Variants in KCNG2 observed in about 807,000 individuals in gnomAD.
The protein encoded by KCNG2 is voltage-gated potassium channel regulatory subunit KCNG2.
KCNG2 carries 7 observed loss-of-function variants against 12.3 expected under a neutral mutation model. The ratio of observed to expected loss-of-function variants is 0.57; its 90% CI spans 0.32 to 1.07. The LOEUF (loss-of-function observed/expected upper bound fraction) is 1.07, where lower values mean the gene tolerates loss of function less well. KCNG2 is among the 50% of genes least tolerant of loss of function. The pLI, the probability that KCNG2 is intolerant of heterozygous loss-of-function variation, is 0.04. For synonymous variants in KCNG2, 414 were observed against 351.4 expected, an observed-to-expected ratio of 1.18 and a Z score of -1.99; for missense variants, 703 against 726.0, an observed-to-expected ratio of 0.97 and a Z score of 0.36.
intron 3 of KCNG2, among the ~76,000 whole-genome samples, chr18:79,864,857 G>A (rs1324887423): frequency 6.7e-6 from 1 of 149,478 alleles, no homozygotes; most frequent in Non-Finnish European, 1.5e-5. Context: ...AAGTCTGGGT[G>A]CTGAGGTTTG....
chr18:79,893,384 A>T (rs1488006945), intron 3 of KCNG2, among the ~76,000 whole-genome samples: 1 of 34,972 alleles, frequency 2.9e-5, no homozygotes, highest in Non-Finnish European at 1.4e-4. Flanking sequence ...TCTGCTTTTG[A>T]TTGGGTTCTT....
chr18:79,814,940 T>G (rs1464194335), intron 1 of KCNG2, among the ~76,000 whole-genome samples: 1 of 151,870 alleles, frequency 6.6e-6, no homozygotes, highest in African/African-American at 2.4e-5. Context: ...GAAAATACAT[T>G]TATGTTTTAG....
At chr18:79,875,724 C>T (rs1054906037) in intron 3 of KCNG2, among the ~76,000 whole-genome samples, 1 of 152,224 alleles carries the variant, frequency 6.6e-6, no homozygotes, top group South Asian at 2.1e-4. Context: ...GTGGTGTTCA[C>T]GGGGCCTCTG....
At position 79,899,917 on chromosome 18, in the gene KCNG2, G is replaced by T; in HGVS notation, c.*101G>T. The stretch of plus-strand genomic sequence containing the variant: ...TGGGGGGCGTCTGGCCTGGGGGAGC[G>T]GCTCCTGCCGGCCGCGTCCTCGGCC... On this transcript the variant is annotated 3_prime_UTR_variant, in exon 4 of 4. Transcript: ENST00000316249. 1 of 1,102,810 alleles carries T rather than the reference G, an allele frequency of 9.1e-7. No individual in the cohort carries two copies. Among genetic ancestry groups the T allele is most frequent in the Non-Finnish European group, 1.2e-6 (1 of 863,404 alleles). The allele number at this position is 1,102,810 out of a possible 1,614,324, so 68.3% of individuals were successfully genotyped here.
At chr18:79,858,663 G>A (rs1054126905) in intron 2 of KCNG2, among the ~76,000 whole-genome samples, 2 of 152,086 alleles carry the variant, frequency 1.3e-5, no homozygotes, top group Non-Finnish European at 2.9e-5. Context: ...CACTGTGGCT[G>A]TGACATTTTA....
At chr18:79,863,184 C>G (rs564491028) in intron 2 of KCNG2, among the ~76,000 whole-genome samples, 1 of 152,366 alleles carries the variant, frequency 6.6e-6, no homozygotes, top group East Asian at 1.9e-4. Context: ...CAGCAGGTCC[C>G]CTGGCTGATT....
intron 3 of KCNG2, among the ~76,000 whole-genome samples, chr18:79,894,017 T>G (rs12454247): frequency 0.46 from 41,183 of 89,484 alleles, 14,476 homozygotes; most frequent in Non-Finnish European, 0.58. Flanking sequence ...TTTTGATTGG[T>G]TTCTTCACTC....
chr18:79,856,310 C>T (rs867039417), intron 1 of KCNG2, among the ~76,000 whole-genome samples, 69 bp from the exon 2 acceptor site: 1 of 152,168 alleles, frequency 6.6e-6, no homozygotes, highest in Non-Finnish European at 1.5e-5. Flanking sequence ...GTCAGAGCCA[C>T]GATGCTCCGC....
At chr18:79,846,615 T>A (rs539360549) in intron 1 of KCNG2, among the ~76,000 whole-genome samples, 1 of 152,314 alleles carries the variant, frequency 6.6e-6, no homozygotes, top group East Asian at 1.9e-4. Flanking sequence ...GATTATAGTC[T>A]TAATTCATCT....
chr18:79,899,331 C>T lies in KCNG2; in HGVS notation c.916C>T (p.Leu306=). The T allele has an allele frequency of 1.9e-6, 3 of 1,552,902 alleles. No homozygotes were observed. The highest frequency in any genetic ancestry group is 2.6e-6 in the Non-Finnish European group (3 of 1,158,394). The change falls in exon 4 of 4, where the codon CTG becomes TTG. Residue 306 remains leucine, a synonymous_variant. Transcript: ENST00000316249. ...CGTGATGCGCCTGGCGCGCCACTCG[C>T]TGGGGCTGCGTTCGCTGGGCCTGAC... ...LYVMRLARHS[L]GLRSLGLTMR... is the part of the protein sequence containing the mutation.
At chr18:79,823,658 C>T (rs558673207) in intron 1 of KCNG2, among the ~76,000 whole-genome samples, 2 of 152,078 alleles carry the variant, frequency 1.3e-5, no homozygotes, top group South Asian at 4.2e-4. Context: ...GGTCCTTCAC[C>T]CCCTGATGTT....
At chr18:79,802,333 C>T (rs1288615686) in intron 1 of KCNG2, among the ~76,000 whole-genome samples, 1 of 152,222 alleles carries the variant, frequency 6.6e-6, no homozygotes, top group Non-Finnish European at 1.5e-5. Flanking sequence ...CAGTGAAGGT[C>T]GGCTCTCCCA....
chr18:79,841,504 T>TA (rs546913056), intron 1 of KCNG2, among the ~76,000 whole-genome samples: 2 of 152,322 alleles, frequency 1.3e-5, no homozygotes, highest in South Asian at 4.1e-4. Context: ...GCAAACTATA[T>TA]ACCCAACTAA....
At chr18:79,898,084 G>GCA (rs1981042301) in intron 3 of KCNG2, among the ~76,000 whole-genome samples, 1 of 152,212 alleles carries the variant, frequency 6.6e-6, no homozygotes, top group Non-Finnish European at 1.5e-5. Flanking sequence ...TACGTGGTCA[G>GCA]CACACGCATG....
chr18:79,895,284 T>G (rs932023954), intron 3 of KCNG2, among the ~76,000 whole-genome samples: 7 of 152,080 alleles, frequency 4.6e-5, no homozygotes, highest in Non-Finnish European at 7.3e-5. Flanking sequence ...CTGTTTCTGC[T>G]TTTGATTGGA....
At position 79,873,064 on chromosome 18, in the gene KCNG2, C is replaced by T. The variant is rs115327514; in HGVS notation, c.624+8773C>T. Among the ~76,000 whole-genome samples the T allele has an allele frequency of 8.7e-3, 1,329 of 152,270 alleles. 18 individuals are homozygous for T. Among genetic ancestry groups the T allele is most frequent in the African/African-American group, 0.028 (1,167 of 41,556 alleles). Reference sequence around the variant, plus strand: ...GACCTGCTAGGAAGAAGCCAGGTAGCTCTGCCGGTTGGGCCTGGGGACAGG... The same window carrying T: ...GACCTGCTAGGAAGAAGCCAGGTAGTTCTGCCGGTTGGGCCTGGGGACAGG... On this transcript the variant is annotated intron_variant, in intron 3 of 3. Coordinates refer to ENST00000316249, the MANE Select transcript of KCNG2 (RefSeq NM_012283.2).
chr18:79,898,985 C>T (rs1327822633), intron 3 of KCNG2, 55 bp from the exon 4 acceptor site: 3 of 1,323,978 alleles, frequency 2.3e-6, no homozygotes, highest in African/African-American at 1.5e-5. Flanking sequence ...GGGCAAGGCG[C>T]CCCCGGCCCT....
chr18:79,842,683 C>T (rs1978497936), intron 1 of KCNG2, among the ~76,000 whole-genome samples: 1 of 151,888 alleles, frequency 6.6e-6, no homozygotes, highest in Non-Finnish European at 1.5e-5. Context: ...TAAAAAAGAC[C>T]CAAACAGAAA....
intron 2 of KCNG2, among the ~76,000 whole-genome samples, chr18:79,857,121 G>A (rs1483630296): frequency 1.7e-3 from 8 of 4,848 alleles, no homozygotes; most frequent in Non-Finnish European, 2.9e-3. Context: ...ACTTGTCTGT[G>A]TTCCTCAGAT....
Sources: gnomAD v4.1 joint callset for allele counts (sites outside exome capture counted in the v4.1 genomes callset) on GRCh38, gnomAD v4.1.1 for gene constraint, MANE v1.5 for transcripts, NCBI Gene and HGNC (gene_info 2026-07-23, HGNC 2026-07-21) for gene names.